UGT2B7: variants seen among roughly 807,000 people sequenced by gnomAD.
UGT2B7 encodes UDP glucuronosyltransferase family 2 member B7.
UGT2B7 carries 51 observed loss-of-function variants against 51.9 expected under a neutral mutation model. That is an observed-to-expected ratio of 0.98 (90% CI 0.78 to 1.24). UGT2B7 has a LOEUF of 1.24. UGT2B7 is among the 50% of genes most tolerant of loss of function. The probability of loss-of-function intolerance (pLI) is 0.00; values close to 1 mark genes in which losing one functional copy is unlikely to be tolerated. For synonymous variants in UGT2B7, 225 were observed against 211.6 expected, an observed-to-expected ratio of 1.06 and a Z score of -0.55; for missense variants, 727 against 628.4, an observed-to-expected ratio of 1.16 and a Z score of -1.68.
At chr4:69,074,445 T>TATATATATATATATATATATAA (rs761833298) in intron 1 of UGT2B7, among the ~76,000 whole-genome samples, 15 of 106,526 alleles carry the variant, frequency 1.4e-4, no homozygotes, top group African/African-American at 4.1e-4. Context: ...TATATATATA[T>TATATATATATATATATATATAA]AAATTAAAAA....
rs184394821 is a variant in UGT2B7, at chr4:69,068,928, C to T, written c.-159+17326C>T. On this transcript the variant is annotated intron_variant, in intron 1 of 5. Coordinates refer to the UGT2B7 transcript ENST00000502942. ...GAAAGCCACTTAGATTCTAAAATCACAATACAAGAAAAATAGTAATAACAG... is the reference window on the plus strand; with the variant it reads ...GAAAGCCACTTAGATTCTAAAATCATAATACAAGAAAAATAGTAATAACAG... Among the ~76,000 whole-genome samples the T allele has an allele frequency of 5.2e-3, 796 of 151,942 alleles. 11 individuals are homozygous for T. The highest frequency in any genetic ancestry group is 0.018 in the African/African-American group (765 of 41,458).
chr4:69,103,417 G>A (rs1316388381), intron 3 of UGT2B7, among the ~76,000 whole-genome samples: 1 of 152,036 alleles, frequency 6.6e-6, no homozygotes, highest in Non-Finnish European at 1.5e-5. Context: ...GTTCCTATTA[G>A]CATCAGTGGG....
At position 69,072,556 on chromosome 4, in the gene UGT2B7, AG is replaced by A. The variant is rs557420802; in HGVS notation, c.-158-16915del. The stretch of plus-strand genomic sequence containing the variant: ...AGATAAAACAAATATGCTAATTAAA[AG>A]TTTCCTTCTTATATTCTTGAAGTAT... On this transcript the variant is annotated intron_variant, in intron 1 of 5. Coordinates refer to the UGT2B7 transcript ENST00000502942. Among the ~76,000 whole-genome samples the A allele has an allele frequency of 1.8e-4, 27 of 152,354 alleles. No individual in the cohort carries two copies. The East Asian group carries it at 3.7e-3, about 21-fold the overall frequency.
At chr4:69,094,330 A>T (rs1332864866), upstream of UGT2B7, among the ~76,000 whole-genome samples, 2 of 67,110 alleles carry the variant, frequency 3.0e-5, no homozygotes, top group Non-Finnish European at 2.5e-5. Flanking sequence ...TTTTTTTTTT[A>T]GTAGAGACGG....
In UGT2B7 at chr4:69,096,684, T is replaced by C; in HGVS notation, c.164T>C (p.Val55Ala). Residue 55 changes from valine to alanine, a missense_variant, in exon 1 of 6, where the codon GTA becomes GCA. Val to Ala is a moderately conservative substitution (Grantham distance 64). Coordinates refer to ENST00000305231, the MANE Select transcript of UGT2B7 (RefSeq NM_001074.4). ...ELIQRGHEVTVLASSASILFD... is the reference protein window; with the variant it reads ...ELIQRGHEVTALASSASILFD... ...ATTCAGAGAGGTCATGAGGTGACTG[T>C]ACTGGCATCTTCAGCTTCCATTCTT... The C allele has an allele frequency of 6.2e-7, 1 of 1,614,058 alleles. No individual in the cohort carries two copies. The highest frequency in any genetic ancestry group is 8.5e-7 in the Non-Finnish European group (1 of 1,179,938).
At chr4:69,075,764 C>T in intron 1 of UGT2B7, among the ~76,000 whole-genome samples, 1 of 152,040 alleles carries the variant, frequency 6.6e-6, no homozygotes, top group East Asian at 1.9e-4. Flanking sequence ...TAAATAACTA[C>T]AAGGATATTT....
rs1719274836 is a variant in UGT2B7, at chr4:69,097,329, A to T, written c.721+88A>T. The stretch of plus-strand genomic sequence containing the variant: ...TTATATAAAGCCATAAAGTCAGGGT[A>T]GTGGGGTTTTGGTAAGTGAATTTAT... On this transcript the variant is annotated intron_variant, in intron 1 of 5. Coordinates refer to ENST00000305231, the MANE Select transcript of UGT2B7 (RefSeq NM_001074.4). 6.1e-6 allele frequency: 9 copies of T among 1,470,374 alleles called. No homozygotes were observed. In the East Asian group the frequency reaches 1.9e-4, roughly 30 times the overall value. 91.1% of individuals were successfully genotyped at this position (1,470,374 alleles called of 1,614,324 possible). A position where few individuals can be genotyped will look rare whatever the true frequency, so the allele number is the denominator to read the frequency against.
intron 1 of UGT2B7, among the ~76,000 whole-genome samples, chr4:69,080,470 C>A (rs1211496658): frequency 2.0e-5 from 3 of 150,642 alleles, no homozygotes; most frequent in African/African-American, 7.3e-5. Context: ...ATTGCATGAA[C>A]CAAGAAGGCA....
At chr4:69,086,016 ATCT>A (rs1443311245) in intron 1 of UGT2B7, among the ~76,000 whole-genome samples, 1 of 151,000 alleles carries the variant, frequency 6.6e-6, no homozygotes, top group Non-Finnish European at 1.5e-5. Context: ...TTTCTCTATA[ATCT>A]TTATTATATC....
chr4:69,093,308 A>G (rs2109880709), upstream of UGT2B7, among the ~76,000 whole-genome samples: 1 of 152,348 alleles, frequency 6.6e-6, no homozygotes, highest in Middle Eastern at 3.4e-3. Context: ...TCCAAAGCTC[A>G]AATGCCAGAA....
chr4:69,093,680 G>A (rs1470549492), upstream of UGT2B7, among the ~76,000 whole-genome samples: 4 of 152,304 alleles, frequency 2.6e-5, no homozygotes, highest in Non-Finnish European at 5.9e-5. Context: ...GGGTTCATGA[G>A]GGGATCTTGT....
intron 1 of UGT2B7, among the ~76,000 whole-genome samples, chr4:69,083,786 T>A (rs1478982930): frequency 2.0e-5 from 3 of 151,984 alleles, no homozygotes; most frequent in Non-Finnish European, 4.4e-5. Context: ...TTTGATGGAG[T>A]CTTTAGGATT....
intron 1 of UGT2B7, among the ~76,000 whole-genome samples, chr4:69,080,951 T>TA (rs897494610): frequency 9.2e-5 from 14 of 151,970 alleles, no homozygotes; most frequent in South Asian, 6.2e-4. Context: ...ATGTGTAACA[T>TA]AAAAAAAACA....
intron 1 of UGT2B7, among the ~76,000 whole-genome samples, chr4:69,052,251 A>C (rs1407507861): frequency 6.6e-6 from 1 of 152,062 alleles, no homozygotes; most frequent in South Asian, 2.1e-4. Context: ...AGACAGTTAC[A>C]GCTGTCTTTA....
intron 1 of UGT2B7, among the ~76,000 whole-genome samples, chr4:69,083,234 T>C (rs1718875978): frequency 6.6e-6 from 1 of 152,130 alleles, no homozygotes; most frequent in Admixed American, 6.6e-5. Flanking sequence ...GTTGTTTTCA[T>C]GCCCACCAAC....
intron 1 of UGT2B7, among the ~76,000 whole-genome samples, chr4:69,084,260 G>A (rs1718900405): frequency 6.6e-6 from 1 of 151,372 alleles, no homozygotes; most frequent in Non-Finnish European, 1.5e-5. Flanking sequence ...TTGATGTGTT[G>A]TTGGATTTGG....
intron 1 of UGT2B7, among the ~76,000 whole-genome samples, chr4:69,064,019 G>GGAAAGAAAGAAAGAAAGACAGAAA (rs1718415606): frequency 2.3e-4 from 14 of 60,212 alleles, no homozygotes; most frequent in Admixed American, 6.2e-4. Context: ...AGATGAGATG[G>GGAAAGAAAGAAAGAAAGACAGAAA]GAAAGAAAGA....
chr4:69,079,374 T>C (rs770237166), intron 1 of UGT2B7, among the ~76,000 whole-genome samples: 1 of 152,282 alleles, frequency 6.6e-6, no homozygotes, highest in Non-Finnish European at 1.5e-5. Flanking sequence ...ACTTTAAAAA[T>C]ACAGTCATAT....
At chr4:69,078,972 A>G (rs1299909650) in intron 1 of UGT2B7, among the ~76,000 whole-genome samples, 1 of 152,102 alleles carries the variant, frequency 6.6e-6, no homozygotes, top group Non-Finnish European at 1.5e-5. Flanking sequence ...ACAAAGCAAG[A>G]CTACTGGGCT....
Sources: allele counts gnomAD v4.1 joint callset (sites outside exome capture counted in the v4.1 genomes callset), GRCh38; gene constraint gnomAD v4.1.1; transcripts MANE v1.5; gene names NCBI Gene and HGNC (gene_info 2026-07-23, HGNC 2026-07-21).